GALNT13: variants seen among roughly 807,000 people sequenced by gnomAD.
The protein encoded by GALNT13 is polypeptide N-acetylgalactosaminyltransferase 13, also known as UDP-GalNAc:polypeptide N-acetylgalactosaminyltransferase 13.
GALNT13 carries 28 observed loss-of-function variants against 64.2 expected under a neutral mutation model. The ratio of observed to expected loss-of-function variants is 0.44; its 90% CI spans 0.32 to 0.60. The LOEUF is 0.60. Among genes scored for constraint, GALNT13 ranks in the 20% least tolerant of loss-of-function variants. The pLI, the probability that GALNT13 is intolerant of heterozygous loss-of-function variation, is 0.05. For missense variants in GALNT13, 577 were observed against 669.8 expected (o/e 0.86, Z 1.53); for synonymous variants, 214 against 224.6 (o/e 0.95, Z 0.42).
At chr2:153,456,808 TC>T in the GALNT13 span, among the ~76,000 whole-genome samples, 4 of 152,192 alleles carry the variant, frequency 2.6e-5, no homozygotes, top group East Asian at 1.9e-4. Flanking sequence ...CTATCTCGCC[TC>T]AGAGCCTGGG....
chr2:153,106,056 C>T, the GALNT13 span, among the ~76,000 whole-genome samples: 3 of 152,066 alleles, frequency 2.0e-5, no homozygotes, highest in African/African-American at 7.2e-5. Context: ...TGTGCACACC[C>T]GAGTGATGCT....
At chr2:154,019,652 AC>A (rs1299552832) in intron 3 of GALNT13, among the ~76,000 whole-genome samples, 3 of 124,886 alleles carry the variant, frequency 2.4e-5, no homozygotes, top group Non-Finnish European at 3.7e-5. Context: ...ACACACACAC[AC>A]AAAAGCAAGA....
At chr2:153,304,776 T>A in the GALNT13 span, among the ~76,000 whole-genome samples, 1 of 152,318 alleles carries the variant, frequency 6.6e-6, no homozygotes, top group South Asian at 2.1e-4. Flanking sequence ...CTCCAGCCCA[T>A]CGGTATTAAC....
In GALNT13 at chr2:154,079,737, A is replaced by G. The variant is rs1455451559; in HGVS notation, c.143-60600A>G. ...TACTTACCTCAGGCTTTTTTCCATG[A>G]TACAAAGGATATTTTTGAAATACAA... On this transcript the variant is annotated intron_variant, in intron 3 of 12. Transcript: ENST00000392825. Among the ~76,000 whole-genome samples the G allele has an allele frequency of 2.0e-5, 3 of 151,590 alleles. No individual in the cohort carries two copies. The South Asian group carries it at 6.2e-4, about 31-fold the overall frequency.
chr2:153,657,862 GAC>G, the GALNT13 span, among the ~76,000 whole-genome samples: 1 of 152,106 alleles, frequency 6.6e-6, no homozygotes, highest in Non-Finnish European at 1.5e-5. Context: ...TAGAGCCTTA[GAC>G]ACAGTCTTTG....
chr2:154,251,796 T>C (rs1690082969), intron 7 of GALNT13, among the ~76,000 whole-genome samples: 1 of 152,174 alleles, frequency 6.6e-6, no homozygotes, highest in Non-Finnish European at 1.5e-5. Flanking sequence ...TTCCTTTCTC[T>C]TTCCTCTGCT....
chr2:153,809,891 A>G, the GALNT13 span, among the ~76,000 whole-genome samples: 2 of 152,136 alleles, frequency 1.3e-5, no homozygotes, highest in Admixed American at 6.5e-5. Context: ...CTCTGTATCA[A>G]CAATTTCTCC....
chr2:153,248,815 C>CAAAAAAAAAAAAA, the GALNT13 span, among the ~76,000 whole-genome samples: 1 of 127,496 alleles, frequency 7.8e-6, no homozygotes, highest in African/African-American at 3.0e-5. Context: ...GACTCTGTCT[C>CAAAAAAAAAAAAA]GAAAAAAAAA....
At chr2:153,386,066 G>A in the GALNT13 span, among the ~76,000 whole-genome samples, 48 of 152,006 alleles carry the variant, frequency 3.2e-4, no homozygotes, top group African/African-American at 1.1e-3. Flanking sequence ...TCCCTTAAGA[G>A]ATTTGGGGGG....
chr2:153,289,225 A>T, the GALNT13 span, among the ~76,000 whole-genome samples: 1 of 152,200 alleles, frequency 6.6e-6, no homozygotes, highest in Non-Finnish European at 1.5e-5. Context: ...GTTTTATCAT[A>T]CCCTGGAGAG....
At chr2:153,578,997 A>G in the GALNT13 span, among the ~76,000 whole-genome samples, 1 of 152,228 alleles carries the variant, frequency 6.6e-6, no homozygotes, top group Admixed American at 6.5e-5. Flanking sequence ...AACGCATTCT[A>G]GGCAATTCCC....
At chr2:153,505,262 CTTCTT>C in the GALNT13 span, among the ~76,000 whole-genome samples, 1 of 152,068 alleles carries the variant, frequency 6.6e-6, no homozygotes, top group African/African-American at 2.4e-5. Context: ...GATCTTCTCT[CTTCTT>C]TTCTTGTTTA....
At chr2:153,858,578 A>G in the GALNT13 span, among the ~76,000 whole-genome samples, 1 of 152,168 alleles carries the variant, frequency 6.6e-6, no homozygotes, top group African/African-American at 2.4e-5. Context: ...TCATATTTAT[A>G]TAACTTTTAT....
At chr2:153,457,779 C>T in the GALNT13 span, among the ~76,000 whole-genome samples, 1 of 152,080 alleles carries the variant, frequency 6.6e-6, no homozygotes, top group Admixed American at 6.6e-5. Context: ...ATCTTTATTG[C>T]ATAACTCTCC....
intron 2 of GALNT13, among the ~76,000 whole-genome samples, chr2:153,934,710 C>T (rs1690775461): frequency 6.6e-6 from 1 of 152,088 alleles, no homozygotes; most frequent in Admixed American, 6.6e-5. Flanking sequence ...GTGGATAGCC[C>T]CAGTGGATTC....
intron 3 of GALNT13, among the ~76,000 whole-genome samples, chr2:154,051,889 C>T (rs1021144087): frequency 2.6e-5 from 4 of 152,130 alleles, no homozygotes; most frequent in Non-Finnish European, 5.9e-5. Context: ...TCTGAGCTTT[C>T]CAATGTATAT....
At chr2:153,667,613 G>A in the GALNT13 span, among the ~76,000 whole-genome samples, 2 of 152,124 alleles carry the variant, frequency 1.3e-5, no homozygotes, top group African/African-American at 2.4e-5. Flanking sequence ...CCTAACAATA[G>A]GTCCTTAAAG....
the GALNT13 span, among the ~76,000 whole-genome samples, chr2:153,816,560 G>T: frequency 6.6e-6 from 1 of 152,130 alleles, no homozygotes; most frequent in Non-Finnish European, 1.5e-5. Flanking sequence ...CATTTATCAG[G>T]TGTATTAGGG....
intron 9 of GALNT13, among the ~76,000 whole-genome samples, chr2:154,357,992 A>T (rs1483636073): frequency 1.3e-5 from 2 of 152,078 alleles, no homozygotes; most frequent in Non-Finnish European, 2.9e-5. Context: ...ATCTCAGCCC[A>T]ATTTGTGTAT....
Sources: gnomAD v4.1 joint callset for allele counts (sites outside exome capture counted in the v4.1 genomes callset) on GRCh38, gnomAD v4.1.1 for gene constraint, MANE v1.5 for transcripts, NCBI Gene and HGNC (gene_info 2026-07-23, HGNC 2026-07-21) for gene names.